The following SUGP2 variants were observed in gnomAD, a reference collection of about 807,000 sequenced individuals.
SUGP2 encodes the protein SURP and G-patch domain containing 2.
In SUGP2, 24 loss-of-function variants were observed where a neutral mutation model predicts 90.5. That is an observed-to-expected ratio of 0.27 (90% CI 0.19 to 0.37). SUGP2 has a LOEUF of 0.37. Among genes scored for constraint, SUGP2 ranks in the 10% least tolerant of loss-of-function variants. SUGP2 has a pLI of 1.00. For synonymous variants in SUGP2, 473 were observed against 513.4 expected (o/e 0.92, Z 1.06); for missense variants, 1,233 against 1,363.3 (o/e 0.90, Z 1.51).
intron 3 of SUGP2, among the ~76,000 whole-genome samples, chr19:19,020,847 C>T (rs2058698148): frequency 6.6e-6 from 1 of 151,904 alleles, no homozygotes; most frequent in South Asian, 2.1e-4. Flanking sequence ...AGTTTCCTAA[C>T]AATTGTCTAG....
At chr19:19,030,243 A>G (rs556490876) in intron 2 of SUGP2, among the ~76,000 whole-genome samples, 1 of 152,324 alleles carries the variant, frequency 6.6e-6, no homozygotes, top group East Asian at 1.9e-4. Flanking sequence ...TAATCCCAGC[A>G]TCTTGGGAGG....
At chr19:19,030,915 C>T in intron 2 of SUGP2, 36 bp downstream of exon 2, 2 of 1,592,638 alleles carry the variant, frequency 1.3e-6, no homozygotes, top group Non-Finnish European at 1.7e-6. Context: ...ACACCCCTAC[C>T]AAAACAACAA....
intron 3 of SUGP2, among the ~76,000 whole-genome samples, chr19:19,022,411 C>T (rs1380868193): frequency 6.6e-6 from 1 of 152,166 alleles, no homozygotes; most frequent in Non-Finnish European, 1.5e-5. Flanking sequence ...ACATGTGAAC[C>T]CAGGTCTGTC....
In SUGP2 at chr19:19,004,549, G is replaced by A; in HGVS notation, c.2548C>T (p.Leu850Phe). The stretch of plus-strand genomic sequence containing the variant: ...GTGGTGTCACCACCACCAGTGTGAA[G>A]GTTGTGCGGAGATGACGTGAAACAA... ...SICFTSSPHN[L>F]HTGGGDTTGS... Residue 850 changes from leucine (L) to phenylalanine (F), a missense_variant, in exon 7 of 11, where the codon CTT becomes TTT. By Grantham distance (22) the Leu-to-Phe change is conservative. This residue lies in a region of SUGP2 where 540 missense variants were observed against 542.6 expected (regional missense o/e 1.00). Coordinates refer to ENST00000452918, the MANE Select transcript of SUGP2 (RefSeq NM_001017392.5). The A allele has an allele frequency of 6.2e-7, 1 of 1,614,260 alleles. No individual in the cohort carries two copies. The highest frequency in any genetic ancestry group is 8.5e-7 in the Non-Finnish European group (1 of 1,180,046).
intron 7 of SUGP2, among the ~76,000 whole-genome samples, chr19:19,003,290 G>T (rs1316102996): frequency 6.6e-6 from 1 of 152,200 alleles, no homozygotes; most frequent in East Asian, 1.9e-4. Context: ...GTTTAACACA[G>T]TCCCACAATG....
chr19:19,026,622 G>A (rs991763761), intron 2 of SUGP2, among the ~76,000 whole-genome samples: 1 of 152,290 alleles, frequency 6.6e-6, no homozygotes, highest in Middle Eastern at 3.4e-3. Flanking sequence ...AAGGGTGTTT[G>A]GTCCCCAAAT....
At position 18,993,410 on chromosome 19, in the gene SUGP2, G is replaced by A. The variant is rs769949344; in HGVS notation, c.*331C>T. On this transcript the variant is annotated 3_prime_UTR_variant, in exon 11 of 11. Transcript: ENST00000452918. ...AGTCCAACTGGAAAATCAGCCAGAG[G>A]AGCTGGTTCCTCAGCACTCACAGGC... is the stretch of plus-strand genomic sequence containing the variant. 1 of 152,220 alleles carries A rather than the reference G, an allele frequency of 6.6e-6. No individual in the cohort carries two copies. The highest frequency in any genetic ancestry group is 2.4e-5 in the African/African-American group (1 of 41,456). 9.4% of individuals were successfully genotyped at this position (152,220 alleles called of 1,614,324 possible).
intron 2 of SUGP2, among the ~76,000 whole-genome samples, chr19:19,026,815 T>TTTCCGAG (rs1195783274): frequency 2.0e-5 from 3 of 152,084 alleles, no homozygotes; most frequent in Non-Finnish European, 4.4e-5. Flanking sequence ...GACCCAAAGC[T>TTTCCGAG]GGCTGAACCC....
intron 3 of SUGP2, among the ~76,000 whole-genome samples, chr19:19,023,371 C>T (rs746550934): frequency 9.2e-5 from 14 of 152,080 alleles, no homozygotes; most frequent in Non-Finnish European, 1.3e-4. Context: ...GGCTGGAGTG[C>T]GGTGGCTATT....
At chr19:18,998,407 C>G (rs2057694847) in intron 8 of SUGP2, among the ~76,000 whole-genome samples, 1 of 152,198 alleles carries the variant, frequency 6.6e-6, no homozygotes. Context: ...CTGCCTTGGC[C>G]TTCCAAAGTC....
At chr19:19,020,881 C>T (rs1216963076) in intron 3 of SUGP2, among the ~76,000 whole-genome samples, 1 of 151,926 alleles carries the variant, frequency 6.6e-6, no homozygotes, top group East Asian at 1.9e-4. Context: ...GAATGATGGC[C>T]GGGCACAATG....
rs917950620 is a variant in SUGP2 at position 18,991,395 on chromosome 19, G to A, written c.*2346C>T. The A allele has an allele frequency of 6.6e-6, 1 of 152,244 alleles. No homozygotes were observed. Among genetic ancestry groups the A allele is most frequent in the African/African-American group, 2.4e-5 (1 of 41,440 alleles). 9.4% of individuals were successfully genotyped at this position (152,244 alleles called of 1,614,324 possible). A position where few individuals can be genotyped will look rare whatever the true frequency, so the allele number is the denominator to read the frequency against. The stretch of plus-strand genomic sequence containing the variant: ...GCCCCAGCGCTGAATCCACAGGAGA[G>A]GTGTCCTCTGAGAGTGTAGGGGGCT... On this transcript the variant is annotated 3_prime_UTR_variant, in exon 11 of 11. Coordinates refer to ENST00000452918, the MANE Select transcript of SUGP2 (RefSeq NM_001017392.5).
intron 8 of SUGP2, among the ~76,000 whole-genome samples, chr19:19,000,793 C>T (rs2145324869): frequency 6.6e-6 from 1 of 150,876 alleles, no homozygotes; most frequent in East Asian, 2.0e-4. Context: ...GCAGCCACGA[C>T]CTCTCAGGCC....
chr19:19,033,473 G>C lies in SUGP2; in HGVS notation c.-48C>G, dbSNP rs996068516. On this transcript the variant is annotated 5_prime_UTR_variant, in exon 1 of 11. Transcript: ENST00000452918. ...CGCGCGCGGAGCCACCCCCGCCGCC[G>C]CCTCAGGCTCCTCACCCGCCGCCGC... is the stretch of plus-strand genomic sequence containing the variant. 5 of 1,406,156 alleles carry C rather than the reference G, an allele frequency of 3.6e-6. No homozygotes were observed. Among genetic ancestry groups the C allele is most frequent in the Non-Finnish European group, 4.6e-6 (5 of 1,079,132 alleles). The allele number at this position is 1,406,156 out of a possible 1,614,324, so 87.1% of individuals were successfully genotyped here. A position where few individuals can be genotyped will look rare whatever the true frequency, so the allele number is the denominator to read the frequency against.
At chr19:19,004,780 G>A (rs780447515) in intron 6 of SUGP2, 134 bp from the exon 7 acceptor site, 3 of 693,288 alleles carry the variant, frequency 4.3e-6, no homozygotes, top group Non-Finnish European at 7.2e-6. Context: ...GTCTCTACGC[G>A]GCTATGGCTT....
At chr19:19,030,132 G>A (rs1045449199) in intron 2 of SUGP2, among the ~76,000 whole-genome samples, 1 of 151,264 alleles carries the variant, frequency 6.6e-6, no homozygotes, top group Non-Finnish European at 1.5e-5. Flanking sequence ...TGAAAACATA[G>A]CAAGACTCCA....
At chr19:19,013,647 T>C (rs1217823543) in intron 4 of SUGP2, among the ~76,000 whole-genome samples, 2 of 152,172 alleles carry the variant, frequency 1.3e-5, no homozygotes, top group African/African-American at 2.4e-5. Context: ...ACCCCAAACA[T>C]CAATTATTTA....
chr19:19,007,388 T>G (rs1410131134), intron 6 of SUGP2: 1 of 152,308 alleles, frequency 6.6e-6, no homozygotes, highest in Non-Finnish European at 1.5e-5. Flanking sequence ...AGCCTTTGGA[T>G]GCAGATTAAA....
rs141854492 is a variant in SUGP2 at position 19,008,535 on chromosome 19, T to TCCCTGTAGCCTTG, written c.2339-120_2339-108dup. ...TTATAAAGATGGCCTGCATGTCCCCTCCCTGTAGCCTTGCCCTTCGTCACA... is the reference window on the plus strand; with the variant it reads ...TTATAAAGATGGCCTGCATGTCCCCTCCCTGTAGCCTTGCCCTGTAGCCTTGCCCTTCGTCACA... On this transcript the variant is annotated intron_variant, in intron 5 of 10. Coordinates refer to ENST00000452918, the MANE Select transcript of SUGP2 (RefSeq NM_001017392.5). 6.0e-3 allele frequency: 5,249 copies of TCCCTGTAGCCTTG among 869,472 alleles called. 185 individuals carry two copies. The African/African-American group carries it at 0.076, about 13-fold the overall frequency. The allele number at this position is 869,472 out of a possible 1,614,324, so 53.9% of individuals were successfully genotyped here.
Sources: allele counts gnomAD v4.1 joint callset (sites outside exome capture counted in the v4.1 genomes callset), GRCh38; gene constraint gnomAD v4.1.1; regional missense constraint gnomAD v4.1.1; transcripts MANE v1.5; gene names NCBI Gene and HGNC (gene_info 2026-07-23, HGNC 2026-07-21).